Variants in NRG1 observed in about 807,000 individuals in gnomAD.
The protein encoded by NRG1 is pro-neuregulin-1, membrane-bound isoform.
A neutral mutation model predicts 63.8 loss-of-function variants in NRG1; 18 were observed. That is an observed-to-expected ratio of 0.28 (90% CI 0.19 to 0.42). NRG1 has a LOEUF of 0.42. NRG1 is among the 10% of genes least tolerant of loss of function. NRG1 has a pLI of 1.00. For synonymous variants in NRG1, 302 were observed against 301.3 expected, an observed-to-expected ratio of 1.00 and a Z score of -0.02; for missense variants, 762 against 814.7, an observed-to-expected ratio of 0.94 and a Z score of 0.79.
chr8:31,916,215 T>C (rs1055856954), intron 1 of NRG1, among the ~76,000 whole-genome samples: 9 of 152,196 alleles, frequency 5.9e-5, no homozygotes, highest in African/African-American at 1.9e-4. Context: ...CATTTTCTTT[T>C]TTTTTATTAT....
chr8:31,972,764 G>A (rs1027187399), intron 1 of NRG1, among the ~76,000 whole-genome samples: 2 of 152,102 alleles, frequency 1.3e-5, no homozygotes, highest in African/African-American at 4.8e-5. Flanking sequence ...TCATACCAAC[G>A]GTGTTCACTT....
intron 1 of NRG1, among the ~76,000 whole-genome samples, chr8:32,402,103 G>C (rs1284422370): frequency 6.6e-6 from 1 of 152,134 alleles, no homozygotes; most frequent in Non-Finnish European, 1.5e-5. Context: ...AGTACAGATG[G>C]GGTTTTGCCA....
intron 1 of NRG1, among the ~76,000 whole-genome samples, chr8:32,075,380 TAAC>T (rs1826342081): frequency 6.6e-6 from 1 of 152,174 alleles, no homozygotes; most frequent in African/African-American, 2.4e-5. Flanking sequence ...TGAGTATTTA[TAAC>T]AACAAGTAAA....
chr8:32,495,347 G>A (rs994380139), intron 1 of NRG1, among the ~76,000 whole-genome samples: 3 of 152,168 alleles, frequency 2.0e-5, no homozygotes, highest in Non-Finnish European at 2.9e-5. Flanking sequence ...CATGTAAGAC[G>A]TGACTTTGTT....
At chr8:32,567,858 T>C (rs559082848) in intron 1 of NRG1, among the ~76,000 whole-genome samples, 75 of 152,318 alleles carry the variant, frequency 4.9e-4, no homozygotes, top group African/African-American at 1.7e-3. Flanking sequence ...TCCACTTGAA[T>C]TGGCAGTGTG....
At chr8:32,339,945 G>A (rs1423414784) in intron 1 of NRG1, among the ~76,000 whole-genome samples, 1 of 151,992 alleles carries the variant, frequency 6.6e-6, no homozygotes, top group Non-Finnish European at 1.5e-5. Context: ...CTAAAAATCT[G>A]CTTGATGAGG....
intron 1 of NRG1, among the ~76,000 whole-genome samples, chr8:32,398,278 G>T (rs1220311919): frequency 8.5e-5 from 13 of 152,228 alleles, no homozygotes; most frequent in African/African-American, 3.1e-4. Context: ...ACGGCTCATA[G>T]CTTACAGCAG....
rs115221734 is a variant in NRG1, at chr8:32,264,631, A to G, written c.38-331197A>G. On this transcript the variant is annotated intron_variant, in intron 1 of 10. Transcript: ENST00000519301. ...TACAATTTGCAATGCACTGTGGTAA[A>G]ACAGAAACCATAAGCTGAATGCTTT... is the stretch of plus-strand genomic sequence containing the variant. Among the ~76,000 whole-genome samples the G allele has an allele frequency of 8.5e-3, 1,298 of 152,318 alleles. 20 individuals are homozygous for G. The highest frequency in any genetic ancestry group is 0.03 in the African/African-American group (1,243 of 41,572).
chr8:32,122,953 G>A (rs532234562), intron 1 of NRG1, among the ~76,000 whole-genome samples: 1 of 151,886 alleles, frequency 6.6e-6, no homozygotes, highest in Admixed American at 6.6e-5. Flanking sequence ...AGGACATAAG[G>A]AAATGTGGCA....
At chr8:31,754,145 G>C (rs1816743086) in intron 1 of NRG1, among the ~76,000 whole-genome samples, 1 of 152,034 alleles carries the variant, frequency 6.6e-6, no homozygotes, top group African/African-American at 2.4e-5. Flanking sequence ...CTTTTACCTA[G>C]AGCTAGAAGG....
chr8:32,119,882 A>G (rs1212897764), intron 1 of NRG1, among the ~76,000 whole-genome samples: 2 of 152,100 alleles, frequency 1.3e-5, no homozygotes, highest in African/African-American at 4.8e-5. Context: ...AAAGTTTTTG[A>G]TCTATTAGTT....
intron 1 of NRG1, among the ~76,000 whole-genome samples, chr8:31,708,143 C>T (rs935569126): frequency 2.0e-5 from 3 of 152,118 alleles, no homozygotes; most frequent in African/African-American, 4.8e-5. Flanking sequence ...TTCTCAGCCC[C>T]GCTTGTATTT....
At chr8:32,190,901 G>A (rs772855174) in intron 1 of NRG1, among the ~76,000 whole-genome samples, 2 of 152,142 alleles carry the variant, frequency 1.3e-5, no homozygotes, top group Non-Finnish European at 2.9e-5. Flanking sequence ...GGAGAGTTGA[G>A]TTTAGGGTAC....
intron 1 of NRG1, among the ~76,000 whole-genome samples, chr8:32,469,063 A>T (rs541917823): frequency 4.6e-4 from 70 of 152,346 alleles, no homozygotes; most frequent in African/African-American, 1.5e-3. Flanking sequence ...AGACCTGTTC[A>T]CATAACTAAC....
chr8:32,718,084 C>T (rs188818901), intron 5 of NRG1, among the ~76,000 whole-genome samples: 37 of 152,214 alleles, frequency 2.4e-4, no homozygotes, highest in Non-Finnish European at 4.4e-4. Context: ...TCAACAGACA[C>T]GTAGTCTAGT....
At chr8:31,791,782 T>C (rs1018746864) in intron 1 of NRG1, among the ~76,000 whole-genome samples, 1 of 152,218 alleles carries the variant, frequency 6.6e-6, no homozygotes, top group African/African-American at 2.4e-5. Context: ...AGGTTGGCTC[T>C]AGTCTTGCCC....
chr8:32,229,569 G>A (rs1846688372), intron 1 of NRG1, among the ~76,000 whole-genome samples: 2 of 152,090 alleles, frequency 1.3e-5, no homozygotes, highest in Non-Finnish European at 2.9e-5. Context: ...GACACCCTCT[G>A]CCAGGTTCTA....
At chr8:32,574,725 G>T (rs1839290988) in intron 1 of NRG1, among the ~76,000 whole-genome samples, 1 of 152,160 alleles carries the variant, frequency 6.6e-6, no homozygotes, top group African/African-American at 2.4e-5. Flanking sequence ...CCAGCATCAG[G>T]CTTCTTGTAA....
At chr8:32,412,423 C>CATATAT (rs1178545836) in intron 1 of NRG1, among the ~76,000 whole-genome samples, 30 of 93,032 alleles carry the variant, frequency 3.2e-4, no homozygotes, top group African/African-American at 7.0e-4. Flanking sequence ...TCTCTCTCTA[C>CATATAT]ATATATATAT....
Sources: gnomAD v4.1 joint callset for allele counts (sites outside exome capture counted in the v4.1 genomes callset) on GRCh38, gnomAD v4.1.1 for gene constraint, MANE v1.5 for transcripts, NCBI Gene and HGNC (gene_info 2026-07-23, HGNC 2026-07-21) for gene names.